Variants in SPECC1 observed in about 807,000 individuals in gnomAD.
The protein encoded by SPECC1 is cytospin-B.
SPECC1 carries 62 observed loss-of-function variants against 104.1 expected under a neutral mutation model. The observed-to-expected ratio is 0.60, with a 90% CI of 0.49 to 0.74. SPECC1 has a LOEUF of 0.74. Among genes scored for constraint, SPECC1 ranks in the 30% least tolerant of loss-of-function variants. SPECC1 has a pLI of 0.00. For synonymous variants in SPECC1, 513 were observed against 501.6 expected (o/e 1.02, Z -0.30); for missense variants, 1,306 against 1,310.5 (o/e 1.00, Z 0.05).
At chr17:20,144,170 CTTTTCTT>C (rs2031181089) in intron 3 of SPECC1, among the ~76,000 whole-genome samples, 6 of 83,634 alleles carry the variant, frequency 7.2e-5, no homozygotes, top group Admixed American at 2.6e-4. Flanking sequence ...CTGTTTTTTT[CTTTTCTT>C]TTTTTTTTTT....
intron 3 of SPECC1, among the ~76,000 whole-genome samples, chr17:20,137,170 A>G (rs548332741): frequency 2.0e-5 from 3 of 152,224 alleles, no homozygotes; most frequent in Admixed American, 2.0e-4. Context: ...GTTTCTATAT[A>G]TGCCCTCATG....
chr17:20,175,789 G>A (rs2034431847), intron 3 of SPECC1, among the ~76,000 whole-genome samples: 2 of 152,210 alleles, frequency 1.3e-5, no homozygotes, highest in African/African-American at 4.8e-5. Flanking sequence ...GGGGGCCTGG[G>A]CCTCTGCCGG....
At chr17:20,105,744 A>G (rs1394428574) in intron 2 of SPECC1, among the ~76,000 whole-genome samples, 1 of 152,078 alleles carries the variant, frequency 6.6e-6, no homozygotes, top group East Asian at 1.9e-4. Flanking sequence ...CAAAACTCCC[A>G]CTGCTTGCGC....
At chr17:20,014,707 A>G (rs576167509) in intron 1 of SPECC1, among the ~76,000 whole-genome samples, 145 of 151,324 alleles carry the variant, frequency 9.6e-4, no homozygotes, top group African/African-American at 3.2e-3. Context: ...AAGCTTTACA[A>G]TTTTTTTTCT....
At chr17:20,059,586 C>T (rs2046105507) in intron 1 of SPECC1, among the ~76,000 whole-genome samples, 1 of 152,140 alleles carries the variant, frequency 6.6e-6, no homozygotes. Flanking sequence ...ATGTAGCAAC[C>T]CCTTTTCTTT....
chr17:20,297,023 C>G lies in SPECC1; in HGVS notation c.3003C>G (p.Leu1001=), dbSNP rs371242919. 5.6e-5 allele frequency: 90 copies of G among 1,614,088 alleles called. No individual in the cohort carries two copies. Among genetic ancestry groups the G allele is most frequent in the Non-Finnish European group, 7.0e-5 (83 of 1,180,050 alleles). The change falls in exon 13 of 15, where the codon CTC becomes CTG. Residue 1001 remains leucine, a synonymous_variant. Coordinates refer to ENST00000395527, the MANE Select transcript of SPECC1 (RefSeq NM_001243439.2). ...WSDGLAFCAL[L]HTYLPAHIPY... Reference sequence around the variant, plus strand: ...ATGGCCTGGCCTTCTGTGCTCTGCTCCACACCTACCTGCCTGCCCACATCC... The same window carrying G: ...ATGGCCTGGCCTTCTGTGCTCTGCTGCACACCTACCTGCCTGCCCACATCC...
At chr17:20,056,395 C>T (rs2045964325) in intron 1 of SPECC1, 1 of 187,158 alleles carries the variant, frequency 5.3e-6, no homozygotes, top group South Asian at 1.2e-4. Context: ...CAAGGACTGG[C>T]GTCCGGAGAA....
chr17:20,174,611 C>T (rs949629760), intron 3 of SPECC1, among the ~76,000 whole-genome samples: 4 of 152,180 alleles, frequency 2.6e-5, no homozygotes, highest in Admixed American at 6.5e-5. Flanking sequence ...AGTCTCTCCC[C>T]CCCATCAGTC....
intron 10 of SPECC1, among the ~76,000 whole-genome samples, chr17:20,254,703 G>A (rs575007726): frequency 6.6e-6 from 1 of 152,150 alleles, no homozygotes; most frequent in South Asian, 2.1e-4. Context: ...ACTGTTTACT[G>A]GTCCCTGTAG....
intron 1 of SPECC1, among the ~76,000 whole-genome samples, chr17:20,038,057 T>G (rs1046811046): frequency 1.2e-4 from 18 of 152,160 alleles, no homozygotes; most frequent in African/African-American, 4.3e-4. Flanking sequence ...TGTGTAGAGT[T>G]GTTTCTAATT....
At chr17:20,301,953 G>A (rs1018362913) in intron 13 of SPECC1, among the ~76,000 whole-genome samples, 1 of 152,180 alleles carries the variant, frequency 6.6e-6, no homozygotes, top group Non-Finnish European at 1.5e-5. Context: ...TGATCCACCC[G>A]CTTGGGCCTC....
intron 1 of SPECC1, among the ~76,000 whole-genome samples, chr17:20,074,915 T>G (rs557270499): frequency 2.0e-5 from 3 of 152,352 alleles, no homozygotes; most frequent in Admixed American, 2.0e-4. Flanking sequence ...ATGTTATTTT[T>G]TTTTTAGACA....
chr17:20,099,668 C>T (rs957934372), intron 2 of SPECC1, among the ~76,000 whole-genome samples: 4 of 129,518 alleles, frequency 3.1e-5, no homozygotes, highest in Non-Finnish European at 4.7e-5. Flanking sequence ...GCACTCCAGC[C>T]TGGGTGACAG....
At chr17:20,212,343 G>A (rs2037206351) in intron 4 of SPECC1, among the ~76,000 whole-genome samples, 1 of 152,124 alleles carries the variant, frequency 6.6e-6, no homozygotes, top group African/African-American at 2.4e-5. Context: ...CATTGAATTA[G>A]CCCGTTTTCA....
intron 3 of SPECC1, among the ~76,000 whole-genome samples, chr17:20,117,703 C>CAAAAAA (rs1157847856): frequency 1.7e-5 from 1 of 59,590 alleles, no homozygotes; most frequent in Admixed American, 1.7e-4. Context: ...ATGATTGTCT[C>CAAAAAA]AAAAAAAAAA....
At chr17:20,274,247 A>G (rs1275934585) in intron 12 of SPECC1, among the ~76,000 whole-genome samples, 1 of 152,124 alleles carries the variant, frequency 6.6e-6, no homozygotes, top group Non-Finnish European at 1.5e-5. Flanking sequence ...TGGTGTCTGG[A>G]CTTGCTGTTC....
At chr17:20,119,284 C>T (rs925684126) in intron 3 of SPECC1, among the ~76,000 whole-genome samples, 3 of 152,104 alleles carry the variant, frequency 2.0e-5, no homozygotes, top group Non-Finnish European at 4.4e-5. Context: ...GCTCTTGTTG[C>T]CCAGGCTGGA....
chr17:20,197,287 T>C (rs2703801), intron 3 of SPECC1, among the ~76,000 whole-genome samples: 107,793 of 152,116 alleles, frequency 0.71, 39,993 homozygotes, highest in East Asian at 0.99. Flanking sequence ...TTTAGAATTT[T>C]TTATGCCAAA....
At chr17:20,156,575 CGTTTGCGGGG>C (rs1052542552) in intron 3 of SPECC1, among the ~76,000 whole-genome samples, 1 of 152,120 alleles carries the variant, frequency 6.6e-6, no homozygotes, top group Non-Finnish European at 1.5e-5. Context: ...ACTTTCCGGG[CGTTTGCGGGG>C]AGGGCGTGCC....
Sources: allele counts gnomAD v4.1 joint callset (sites outside exome capture counted in the v4.1 genomes callset), GRCh38; gene constraint gnomAD v4.1.1; transcripts MANE v1.5; gene names NCBI Gene and HGNC (gene_info 2026-07-23, HGNC 2026-07-21).